Variants in SLC35F1 observed in about 807,000 individuals in gnomAD.
The protein encoded by SLC35F1 is chromosome 6 open reading frame 169.
In SLC35F1, 14 loss-of-function variants were observed where a neutral mutation model predicts 48.7. The ratio of observed to expected loss-of-function variants is 0.29; its 90% CI spans 0.19 to 0.45. The LOEUF is 0.45. SLC35F1 is among the 20% of genes least tolerant of loss of function. The pLI, the probability that SLC35F1 is intolerant of heterozygous loss-of-function variation, is 1.00. For synonymous variants in SLC35F1, 190 were observed against 202.2 expected, an observed-to-expected ratio of 0.94 and a Z score of 0.51; for missense variants, 404 against 500.0, an observed-to-expected ratio of 0.81 and a Z score of 1.83.
At chr6:118,284,551 G>A (rs1776027407) in intron 6 of SLC35F1, among the ~76,000 whole-genome samples, 1 of 152,160 alleles carries the variant, frequency 6.6e-6, no homozygotes. Context: ...AGTATGCCAG[G>A]ACATGTGATG....
intron 1 of SLC35F1, among the ~76,000 whole-genome samples, chr6:118,141,739 A>G (rs1363278786): frequency 6.6e-6 from 1 of 152,178 alleles, no homozygotes; most frequent in Admixed American, 6.5e-5. Flanking sequence ...GTAGGATTTC[A>G]ACATATGAAT....
intron 2 of SLC35F1, among the ~76,000 whole-genome samples, chr6:118,159,537 C>T (rs959997137): frequency 1.3e-5 from 2 of 152,172 alleles, no homozygotes; most frequent in African/African-American, 4.8e-5. Context: ...GCCTAGGGAA[C>T]TCTCAAAAGA....
chr6:118,171,560 C>T (rs181708176), intron 2 of SLC35F1, among the ~76,000 whole-genome samples: 284 of 152,222 alleles, frequency 1.9e-3, no homozygotes, highest in Admixed American at 4.7e-3. Context: ...ACAGTCCTTC[C>T]CCAAAAAGAA....
Position 117,993,767 on chromosome 6 carries a change from T to G in SLC35F1, c.173+85868T>G, listed in dbSNP as rs73521504. Among the ~76,000 whole-genome samples, 1,454 of 152,334 alleles carry G rather than the reference T, an allele frequency of 9.5e-3. 26 individuals carry two copies. Among genetic ancestry groups the G allele is most frequent in the African/African-American group, 0.03 (1,234 of 41,580 alleles). ...TTGTTTCCTTAGCAGAAATGAATTT[T>G]ATATTTATCCATGACATATCCTCAA... is the stretch of plus-strand genomic sequence containing the variant. On this transcript the variant is annotated intron_variant, in intron 1 of 7. Coordinates refer to ENST00000360388, the MANE Select transcript of SLC35F1 (RefSeq NM_001029858.4).
chr6:117,999,502 C>G (rs1272130442), intron 1 of SLC35F1: 12 of 1,288,044 alleles, frequency 9.3e-6, no homozygotes, highest in Non-Finnish European at 1.2e-5. Context: ...CACCCCCACC[C>G]CTGGGCTATC....
chr6:117,965,291 G>T (rs1243197075), intron 1 of SLC35F1, among the ~76,000 whole-genome samples: 1 of 152,116 alleles, frequency 6.6e-6, no homozygotes, highest in Non-Finnish European at 1.5e-5. Flanking sequence ...AAGTCCAGTG[G>T]CCTCCAGGAA....
intron 1 of SLC35F1, among the ~76,000 whole-genome samples, chr6:118,011,621 G>C (rs1777247888): frequency 6.6e-6 from 1 of 152,166 alleles, no homozygotes; most frequent in South Asian, 2.1e-4. Context: ...GTTCACAATA[G>C]GGTTGTGCTC....
intron 1 of SLC35F1, among the ~76,000 whole-genome samples, chr6:117,993,719 C>T (rs1776949645): frequency 6.6e-6 from 1 of 152,130 alleles, no homozygotes; most frequent in Admixed American, 6.5e-5. Flanking sequence ...TGTCTTCCTG[C>T]TTCTTTGCCT....
intron 1 of SLC35F1, among the ~76,000 whole-genome samples, chr6:118,152,763 A>G (rs565884552): frequency 7.2e-5 from 11 of 152,312 alleles, no homozygotes; most frequent in African/African-American, 1.7e-4. Context: ...GAAAAGGAGA[A>G]AGAGACCCCT....
At chr6:117,920,303 G>A (rs1017610700) in intron 1 of SLC35F1, among the ~76,000 whole-genome samples, 1 of 152,232 alleles carries the variant, frequency 6.6e-6, no homozygotes, top group African/African-American at 2.4e-5. Context: ...ACAGAGGACC[G>A]GACGGGGGCG....
Position 118,036,745 on chromosome 6 carries a change from G to A in SLC35F1, c.174-117700G>A, listed in dbSNP as rs545598157. Among the ~76,000 whole-genome samples, 3 of 152,210 alleles carry A rather than the reference G, an allele frequency of 2.0e-5. No homozygotes were observed. In the South Asian group the frequency reaches 6.2e-4, roughly 32 times the overall value. ...GCTAATTTTTAAACTTCTTTTGGTA[G>A]GGATGAAGTCTCACTATGTTGCCAA... On this transcript the variant is annotated intron_variant, in intron 1 of 7. Coordinates refer to ENST00000360388, the MANE Select transcript of SLC35F1 (RefSeq NM_001029858.4).
intron 1 of SLC35F1, among the ~76,000 whole-genome samples, chr6:118,104,095 T>G: frequency 6.8e-6 from 1 of 147,632 alleles, no homozygotes; most frequent in East Asian, 2.0e-4. Flanking sequence ...ATTTCTTCCC[T>G]CCCCTTCCCT....
intron 1 of SLC35F1, among the ~76,000 whole-genome samples, chr6:118,038,942 A>AT (rs1365655977): frequency 6.6e-6 from 1 of 152,064 alleles, no homozygotes; most frequent in African/African-American, 2.4e-5. Flanking sequence ...TCTTCATTTT[A>AT]TTTTTTGTAT....
At chr6:118,078,883 C>T (rs1363690283) in intron 1 of SLC35F1, among the ~76,000 whole-genome samples, 1 of 152,158 alleles carries the variant, frequency 6.6e-6, no homozygotes, top group Non-Finnish European at 1.5e-5. Context: ...GAACACAGGG[C>T]ATCCTGAGTC....
intron 2 of SLC35F1, among the ~76,000 whole-genome samples, chr6:118,183,397 G>A (rs1445790845): frequency 5.3e-5 from 8 of 151,920 alleles, no homozygotes; most frequent in African/African-American, 1.7e-4. Context: ...AAATAATGAC[G>A]AGTTAATGGG....
chr6:118,157,404 C>G (rs899488575), intron 2 of SLC35F1, among the ~76,000 whole-genome samples: 3 of 152,238 alleles, frequency 2.0e-5, no homozygotes, highest in African/African-American at 7.2e-5. Context: ...TCAGGGTTCT[C>G]TAGAGCCGCA....
chr6:117,923,878 A>C (rs1451369211), intron 1 of SLC35F1, among the ~76,000 whole-genome samples: 1 of 139,894 alleles, frequency 7.1e-6, no homozygotes, highest in East Asian at 2.1e-4. Flanking sequence ...ATATATACAT[A>C]TGTAGATACA....
intron 1 of SLC35F1, among the ~76,000 whole-genome samples, chr6:118,049,956 G>C (rs1772361832): frequency 6.6e-6 from 1 of 152,080 alleles, no homozygotes; most frequent in Non-Finnish European, 1.5e-5. Context: ...CAAAGACTTG[G>C]AACCAACCCA....
At chr6:118,255,338 T>A (rs928334893) in intron 3 of SLC35F1, among the ~76,000 whole-genome samples, 2 of 152,194 alleles carry the variant, frequency 1.3e-5, no homozygotes, top group African/African-American at 4.8e-5. Flanking sequence ...CAGTAAATGT[T>A]AATTCCTTGC....
Sources: allele counts gnomAD v4.1 joint callset (sites outside exome capture counted in the v4.1 genomes callset), GRCh38; gene constraint gnomAD v4.1.1; transcripts MANE v1.5; gene names NCBI Gene and HGNC (gene_info 2026-07-23, HGNC 2026-07-21).